SOX5: variants seen among roughly 807,000 people sequenced by gnomAD.
The protein encoded by SOX5 is SRY-box transcription factor 5, also known as transcription factor SOX-5.
In SOX5, 9 loss-of-function variants were observed where a neutral mutation model predicts 92.0. The ratio of observed to expected loss-of-function variants is 0.10; its 90% CI spans 0.06 to 0.17. SOX5 has a LOEUF of 0.17. SOX5 is among the 10% of genes least tolerant of loss of function. The pLI is 1.00. For synonymous variants in SOX5, 344 were observed against 336.3 expected (o/e 1.02, Z -0.25); for missense variants, 642 against 944.5 (o/e 0.68, Z 4.20).
intron 4 of SOX5, among the ~76,000 whole-genome samples, chr12:24,171,740 G>A (rs1236517662): frequency 6.6e-6 from 1 of 152,086 alleles, no homozygotes; most frequent in Non-Finnish European, 1.5e-5. Flanking sequence ...GCTCATGCCT[G>A]TAATCTCAGC....
chr12:24,315,479 G>T (rs1949612174), intron 2 of SOX5, among the ~76,000 whole-genome samples: 1 of 152,144 alleles, frequency 6.6e-6, no homozygotes, highest in Non-Finnish European at 1.5e-5. Flanking sequence ...CATGAGTTAA[G>T]CATATTTGTA....
intron 2 of SOX5, among the ~76,000 whole-genome samples, chr12:24,326,078 G>C (rs1453568737): frequency 6.6e-6 from 1 of 152,076 alleles, no homozygotes; most frequent in Non-Finnish European, 1.5e-5. Context: ...CTAAAACAAG[G>C]ACCTTAAAAC....
Position 24,234,801 on chromosome 12 carries a change from G to C in SOX5, c.-76-21384C>G, listed in dbSNP as rs765392581. Among the ~76,000 whole-genome samples, 202 of 152,216 alleles carry C rather than the reference G, an allele frequency of 1.3e-3. 2 individuals are homozygous for C. Among genetic ancestry groups the C allele is most frequent in the Non-Finnish European group, 2.0e-3 (137 of 67,998 alleles). ...ACAGTGATGGTTCTCATTAGGGGTC[G>C]ATTTTGCCCCTGCCCAGGGGACCTT... On this transcript the variant is annotated intron_variant, in intron 3 of 4. Coordinates refer to the SOX5 transcript ENST00000446891.
chr12:23,840,814 G>T (rs1406522093), intron 3 of SOX5, among the ~76,000 whole-genome samples: 2 of 151,872 alleles, frequency 1.3e-5, no homozygotes, highest in African/African-American at 4.8e-5. Flanking sequence ...TGCAGACACA[G>T]AACTACTTTT....
chr12:24,406,436 T>A (rs10743498), intron 1 of SOX5, among the ~76,000 whole-genome samples: 3 of 152,010 alleles, frequency 2.0e-5, no homozygotes, highest in Non-Finnish European at 4.4e-5. Flanking sequence ...AATATAACAT[T>A]CGTTCAAGTG....
At chr12:24,178,604 C>T (rs984957239) in intron 4 of SOX5, among the ~76,000 whole-genome samples, 2 of 152,126 alleles carry the variant, frequency 1.3e-5, no homozygotes, top group African/African-American at 2.4e-5. Context: ...TTTTTACAAA[C>T]ATTATGTAGG....
chr12:24,072,249 T>A (rs1341423309), intron 4 of SOX5, among the ~76,000 whole-genome samples: 1 of 152,234 alleles, frequency 6.6e-6, no homozygotes, highest in Non-Finnish European at 1.5e-5. Flanking sequence ...TTCCTTGAGA[T>A]GCGTGGATAT....
At chr12:23,980,842 G>C (rs1949508087) in intron 4 of SOX5, among the ~76,000 whole-genome samples, 1 of 152,142 alleles carries the variant, frequency 6.6e-6, no homozygotes. Context: ...GGAAGACATG[G>C]TCAAGCTCTG....
chr12:24,511,682 G>A (rs554608373), intron 1 of SOX5, among the ~76,000 whole-genome samples: 393 of 152,152 alleles, frequency 2.6e-3, no homozygotes, highest in African/African-American at 9.0e-3. Flanking sequence ...TTTGCGGCCG[G>A]GCGCAGTGGC....
chr12:23,544,164 G>A (rs1942672791), intron 12 of SOX5, among the ~76,000 whole-genome samples: 1 of 152,182 alleles, frequency 6.6e-6, no homozygotes, highest in Admixed American at 6.5e-5. Flanking sequence ...CCCATGGACA[G>A]TCACATTTCA....
chr12:24,373,500 C>T (rs1956948103), intron 1 of SOX5, among the ~76,000 whole-genome samples: 1 of 152,128 alleles, frequency 6.6e-6, no homozygotes, highest in South Asian at 2.1e-4. Context: ...CAAGGTATAA[C>T]AGGCAACTGG....
intron 3 of SOX5, among the ~76,000 whole-genome samples, chr12:23,773,253 T>C (rs931167654): frequency 6.6e-6 from 1 of 152,304 alleles, no homozygotes; most frequent in African/African-American, 2.4e-5. Context: ...TGTGACTAAA[T>C]AATTTGTTCA....
At chr12:23,853,736 T>TA (rs2096658641) in intron 2 of SOX5, among the ~76,000 whole-genome samples, 1 of 152,072 alleles carries the variant, frequency 6.6e-6, no homozygotes, top group Admixed American at 6.6e-5. Context: ...ATAGAACCCG[T>TA]AAAAACAAAG....
chr12:24,317,820 C>T (rs1473215412), intron 2 of SOX5, among the ~76,000 whole-genome samples: 1 of 152,178 alleles, frequency 6.6e-6, no homozygotes, highest in African/African-American at 2.4e-5. Flanking sequence ...ACTCTCAATG[C>T]TTTACTCCTT....
At chr12:24,168,773 G>T (rs34794724) in intron 4 of SOX5, among the ~76,000 whole-genome samples, 4 of 152,136 alleles carry the variant, frequency 2.6e-5, no homozygotes, top group Non-Finnish European at 5.9e-5. Context: ...AAACGCCCAC[G>T]GTGGGAGGAA....
At chr12:24,349,758 C>T (rs1417004403) in intron 2 of SOX5, among the ~76,000 whole-genome samples, 4 of 152,206 alleles carry the variant, frequency 2.6e-5, no homozygotes, top group African/African-American at 9.6e-5. Context: ...ACAAATAGCT[C>T]TTTGAAACCT....
chr12:23,536,304 A>T, intron 14 of SOX5, 149 bp downstream of exon 14: 1 of 645,720 alleles, frequency 1.5e-6, no homozygotes, highest in Non-Finnish European at 2.7e-6. Flanking sequence ...ATTTTTCAAG[A>T]TCATGTGGGA....
intron 1 of SOX5, among the ~76,000 whole-genome samples, chr12:23,929,552 T>C (rs1030916436): frequency 6.6e-6 from 1 of 151,860 alleles, no homozygotes; most frequent in African/African-American, 2.4e-5. Flanking sequence ...ATGAACCTTT[T>C]AGCCATTAAA....
intron 4 of SOX5, among the ~76,000 whole-genome samples, chr12:24,158,105 C>A (rs1397292225): frequency 1.3e-5 from 2 of 151,992 alleles, no homozygotes; most frequent in Non-Finnish European, 2.9e-5. Context: ...AAAAATCCAA[C>A]ACATTTAGAA....
Sources: gnomAD v4.1 joint callset for allele counts (sites outside exome capture counted in the v4.1 genomes callset) on GRCh38, gnomAD v4.1.1 for gene constraint, MANE v1.5 for transcripts, NCBI Gene and HGNC (gene_info 2026-07-23, HGNC 2026-07-21) for gene names.